The following PTPRT variants were observed in gnomAD, a reference collection of about 807,000 sequenced individuals.
The protein encoded by PTPRT is protein tyrosine phosphatase receptor type T, also known as receptor-type tyrosine-protein phosphatase T.
A neutral mutation model predicts 176.8 loss-of-function variants in PTPRT; 56 were observed. The observed-to-expected ratio is 0.32, with a 90% CI of 0.26 to 0.40. The LOEUF is 0.40. PTPRT is among the 10% of genes least tolerant of loss of function. The pLI is 1.00. For synonymous variants in PTPRT, 783 were observed against 739.0 expected, an observed-to-expected ratio of 1.06 and a Z score of -0.96; for missense variants, 1,540 against 1,908.2, an observed-to-expected ratio of 0.81 and a Z score of 3.60.
At chr20:42,349,203 G>A (rs1357672193) in intron 11 of PTPRT, among the ~76,000 whole-genome samples, 1 of 152,166 alleles carries the variant, frequency 6.6e-6, no homozygotes, top group African/African-American at 2.4e-5. Context: ...CTCTCTAGTA[G>A]CTGCCCATGT....
chr20:42,073,015 A>C lies in PTPRT; in HGVS notation c.*7864T>G, dbSNP rs1363527678. The C allele has an allele frequency of 4.5e-6, 1 of 223,388 alleles. No individual in the cohort carries two copies. Among genetic ancestry groups the C allele is most frequent in the Non-Finnish European group, 9.0e-6 (1 of 111,646 alleles). 13.8% of individuals were successfully genotyped at this position (223,388 alleles called of 1,614,324 possible). On this transcript the variant is annotated 3_prime_UTR_variant, in exon 31 of 31. Coordinates refer to ENST00000373187, the MANE Select transcript of PTPRT (RefSeq NM_007050.6). ...ACAGCACAGTGCTGGCTTTTTTAAA[A>C]AGTTGATTTATTTTGTTTTCTCTTC...
At chr20:42,524,686 C>A (rs979469054) in intron 7 of PTPRT, among the ~76,000 whole-genome samples, 5 of 152,138 alleles carry the variant, frequency 3.3e-5, no homozygotes, top group Admixed American at 2.6e-4. Flanking sequence ...CTAGAAAGTA[C>A]TTGGTCATCT....
chr20:42,980,234 G>A (rs1004453019), intron 1 of PTPRT, among the ~76,000 whole-genome samples: 11 of 152,104 alleles, frequency 7.2e-5, no homozygotes, highest in African/African-American at 1.9e-4. Flanking sequence ...AGAGAAAACC[G>A]GATGAAGCCG....
At chr20:42,741,251 C>T (rs2076605366) in intron 6 of PTPRT, among the ~76,000 whole-genome samples, 1 of 152,226 alleles carries the variant, frequency 6.6e-6, no homozygotes. Context: ...AAATTTGGGA[C>T]TGGGTGAACT....
chr20:43,031,735 T>C (rs183957378), intron 1 of PTPRT, among the ~76,000 whole-genome samples: 4 of 152,218 alleles, frequency 2.6e-5, no homozygotes, highest in African/African-American at 4.8e-5. Context: ...AATATCTCTA[T>C]ACAGGGGCCA....
At chr20:42,284,449 C>A (rs1600780154) in intron 12 of PTPRT, among the ~76,000 whole-genome samples, 1 of 152,046 alleles carries the variant, frequency 6.6e-6, no homozygotes, top group Admixed American at 6.6e-5. Context: ...TCTCCACAAG[C>A]TGAAAATTTT....
At chr20:42,182,561 C>T (rs985670023) in intron 16 of PTPRT, among the ~76,000 whole-genome samples, 5 of 152,096 alleles carry the variant, frequency 3.3e-5, no homozygotes, top group African/African-American at 1.2e-4. Flanking sequence ...TGTTCTGAGC[C>T]TCTGTCATGT....
the PTPRT span, among the ~76,000 whole-genome samples, chr20:42,047,101 T>G: frequency 6.6e-6 from 1 of 152,174 alleles, no homozygotes; most frequent in Non-Finnish European, 1.5e-5. Context: ...TGTGGACAAG[T>G]AACTTGTTGG....
At chr20:42,575,965 G>T (rs1258173920) in intron 7 of PTPRT, among the ~76,000 whole-genome samples, 1 of 152,088 alleles carries the variant, frequency 6.6e-6, no homozygotes, top group Admixed American at 6.6e-5. Flanking sequence ...TTCTGATCCT[G>T]TCACCTCTCT....
In PTPRT at chr20:42,842,274, C is replaced by T. The variant is rs946644127; in HGVS notation, c.214+43533G>A. Among the ~76,000 whole-genome samples, 6 of 152,134 alleles carry T rather than the reference C, an allele frequency of 3.9e-5. No homozygotes were observed. The East Asian group carries it at 5.8e-4, about 15-fold the overall frequency. Reference sequence around the variant, plus strand: ...CCAAAGCTCCAGGAGACATGCAAAACGAAGAAGAGTGCAGTGTCTACAAAT... The same window carrying T: ...CCAAAGCTCCAGGAGACATGCAAAATGAAGAAGAGTGCAGTGTCTACAAAT... On this transcript the variant is annotated intron_variant, in intron 2 of 30. Coordinates refer to ENST00000373187, the MANE Select transcript of PTPRT (RefSeq NM_007050.6).
At chr20:42,999,882 T>C (rs1450762102) in intron 1 of PTPRT, among the ~76,000 whole-genome samples, 2 of 151,954 alleles carry the variant, frequency 1.3e-5, no homozygotes, top group African/African-American at 4.8e-5. Context: ...TTAAAGAGGA[T>C]TTCTTATCAA....
chr20:42,993,473 T>TAC (rs1488138823), intron 1 of PTPRT, among the ~76,000 whole-genome samples: 1 of 91,004 alleles, frequency 1.1e-5, no homozygotes, highest in Non-Finnish European at 2.2e-5. Context: ...TGTATATATA[T>TAC]ACACATATAT....
intron 2 of PTPRT, among the ~76,000 whole-genome samples, chr20:42,861,289 G>C (rs2078655908): frequency 6.6e-6 from 1 of 152,078 alleles, no homozygotes; most frequent in South Asian, 2.1e-4. Flanking sequence ...CCTTGATTCT[G>C]ATCCAATCTC....
chr20:42,854,383 G>A (rs1257312337), intron 2 of PTPRT, among the ~76,000 whole-genome samples: 1 of 152,184 alleles, frequency 6.6e-6, no homozygotes, highest in Admixed American at 6.5e-5. Context: ...CTTGACAAAG[G>A]AAAGAAACTA....
chr20:43,129,808 C>T (rs865805394), intron 1 of PTPRT, among the ~76,000 whole-genome samples: 3 of 151,182 alleles, frequency 2.0e-5, no homozygotes, highest in East Asian at 2.0e-4. Flanking sequence ...TTAGTAGAGA[C>T]GGGGTTTCAC....
At chr20:43,099,093 C>T (rs767619822) in intron 1 of PTPRT, among the ~76,000 whole-genome samples, 1 of 152,058 alleles carries the variant, frequency 6.6e-6, no homozygotes, top group African/African-American at 2.4e-5. Context: ...ACAGCATTCT[C>T]ACCTCCACCC....
intron 26 of PTPRT, among the ~76,000 whole-genome samples, chr20:42,101,532 C>T (rs1242568226): frequency 1.3e-5 from 2 of 152,206 alleles, no homozygotes; most frequent in African/African-American, 4.8e-5. Flanking sequence ...CTTCCTGGAC[C>T]TGATGACAAG....
the PTPRT span, among the ~76,000 whole-genome samples, chr20:42,057,882 C>A: frequency 1.3e-5 from 2 of 152,192 alleles, no homozygotes; most frequent in Non-Finnish European, 2.9e-5. Context: ...ACACGCCCAG[C>A]CTGTCCTTAC....
intron 6 of PTPRT, among the ~76,000 whole-genome samples, chr20:42,699,470 T>G (rs955616574): frequency 6.8e-6 from 1 of 146,252 alleles, no homozygotes; most frequent in African/African-American, 2.6e-5. Context: ...AAAATGTACA[T>G]TAACTTGTAA....
Sources: allele counts gnomAD v4.1 joint callset (sites outside exome capture counted in the v4.1 genomes callset), GRCh38; gene constraint gnomAD v4.1.1; transcripts MANE v1.5; gene names NCBI Gene and HGNC (gene_info 2026-07-23, HGNC 2026-07-21).